GPHN: variants seen among roughly 807,000 people sequenced by gnomAD.
The protein encoded by GPHN is gephyrin.
GPHN carries 17 observed loss-of-function variants against 95.5 expected under a neutral mutation model. That is an observed-to-expected ratio of 0.18 (90% CI 0.12 to 0.27). The LOEUF is 0.27. Among genes scored for constraint, GPHN ranks in the 10% least tolerant of loss-of-function variants. The probability of loss-of-function intolerance (pLI) is 1.00; values close to 1 mark genes in which losing one functional copy is unlikely to be tolerated. For synonymous variants in GPHN, 320 were observed against 322.5 expected (o/e 0.99, Z 0.08); for missense variants, 660 against 978.1 (o/e 0.67, Z 4.34).
At chr14:67,663,177 A>T in the GPHN span, 4 of 1,531,444 alleles carry the variant, frequency 2.6e-6, no homozygotes, top group Non-Finnish European at 3.5e-6. Flanking sequence ...ATACCTAAAA[A>T]TTACTAATCT....
At chr14:66,601,207 T>C (rs1467875274) in intron 1 of GPHN, among the ~76,000 whole-genome samples, 1 of 151,968 alleles carries the variant, frequency 6.6e-6, no homozygotes, top group Non-Finnish European at 1.5e-5. Flanking sequence ...GCGTTAAAGG[T>C]GTTTTGCTCA....
chr14:67,359,704 C>G, the GPHN span: 6 of 1,614,152 alleles, frequency 3.7e-6, no homozygotes, highest in South Asian at 6.6e-5. Flanking sequence ...GACATTCTGA[C>G]GATAACTTTT....
chr14:67,326,460 TTC>T, the GPHN span, among the ~76,000 whole-genome samples: 12 of 152,036 alleles, frequency 7.9e-5, no homozygotes, highest in African/African-American at 2.7e-4. Context: ...AATTAGAACT[TTC>T]TGATTCTTTT....
At chr14:66,606,170 T>A (rs1025528727) in intron 1 of GPHN, among the ~76,000 whole-genome samples, 2 of 152,192 alleles carry the variant, frequency 1.3e-5, no homozygotes, top group African/African-American at 4.8e-5. Context: ...AATTTTTGTA[T>A]GCGGTGAAAG....
intron 6 of GPHN, among the ~76,000 whole-genome samples, chr14:66,918,058 G>T (rs1038064849): frequency 7.2e-5 from 11 of 152,150 alleles, no homozygotes; most frequent in African/African-American, 2.7e-4. Context: ...TGACCTTCAG[G>T]TTTAATAATT....
chr14:67,359,108 G>A, the GPHN span, among the ~76,000 whole-genome samples: 65 of 152,326 alleles, frequency 4.3e-4, no homozygotes, highest in African/African-American at 1.5e-3. Flanking sequence ...CTCACAGCAG[G>A]TGACATTTGG....
the GPHN span, among the ~76,000 whole-genome samples, chr14:67,419,927 C>A: frequency 6.6e-6 from 1 of 151,864 alleles, no homozygotes; most frequent in Admixed American, 6.6e-5. Context: ...GTGCTTTTTT[C>A]TATTCCATGG....
At chr14:66,809,372 A>G (rs2060671795) in intron 3 of GPHN, among the ~76,000 whole-genome samples, 2 of 152,096 alleles carry the variant, frequency 1.3e-5, no homozygotes, top group Admixed American at 6.5e-5. Context: ...AATAATAATA[A>G]TAATAATAAA....
the GPHN span, chr14:67,332,970 T>C: frequency 6.3e-7 from 1 of 1,593,624 alleles, no homozygotes; most frequent in Non-Finnish European, 8.6e-7. Flanking sequence ...AAACATCCAT[T>C]CTGTGGCATG....
At chr14:66,565,134 T>A (rs1269461596) in intron 1 of GPHN, among the ~76,000 whole-genome samples, 2 of 152,118 alleles carry the variant, frequency 1.3e-5, no homozygotes, top group Non-Finnish European at 2.9e-5. Context: ...TCTCACCTAG[T>A]TTCAATGAGA....
the GPHN span, chr14:67,343,423 A>G: frequency 6.2e-7 from 1 of 1,607,860 alleles, no homozygotes; most frequent in Non-Finnish European, 8.5e-7. Context: ...GCTTCATCCA[A>G]AGTAACAAAA....
chr14:66,993,281 A>G (rs1014188885), intron 9 of GPHN, among the ~76,000 whole-genome samples: 2 of 151,938 alleles, frequency 1.3e-5, no homozygotes, highest in Non-Finnish European at 1.5e-5. Context: ...CATACACACA[A>G]AGTCTTCAAA....
the GPHN span, among the ~76,000 whole-genome samples, chr14:67,317,145 A>T: frequency 1.3e-5 from 2 of 152,232 alleles, no homozygotes; most frequent in Admixed American, 1.3e-4. Flanking sequence ...TTATACAAAC[A>T]GTGTAATAAG....
chr14:67,021,903 T>C (rs2073649310), intron 9 of GPHN, among the ~76,000 whole-genome samples: 1 of 152,116 alleles, frequency 6.6e-6, no homozygotes, highest in African/African-American at 2.4e-5. Context: ...CTACATCTTG[T>C]TGAATGAAGA....
chr14:67,023,739 T>G, intron 10 of GPHN, 64 bp downstream of exon 10: 1 of 1,341,180 alleles, frequency 7.5e-7, no homozygotes. Context: ...AAATGATATT[T>G]TGGTGAAAAA....
the GPHN span, among the ~76,000 whole-genome samples, chr14:67,534,812 G>C: frequency 1.3e-5 from 2 of 152,006 alleles, no homozygotes; most frequent in South Asian, 4.1e-4. Flanking sequence ...CCAAAGAAAT[G>C]TCTGGCAATT....
At chr14:67,409,006 G>C in the GPHN span, among the ~76,000 whole-genome samples, 1 of 151,084 alleles carries the variant, frequency 6.6e-6, no homozygotes, top group Non-Finnish European at 1.5e-5. Flanking sequence ...CTTGAGCCCA[G>C]GAGTTCAAGA....
the GPHN span, among the ~76,000 whole-genome samples, chr14:67,500,204 G>A: frequency 4.0e-4 from 61 of 152,044 alleles, no homozygotes; most frequent in African/African-American, 1.3e-3. Flanking sequence ...GGCCATATGC[G>A]GTGGCTTATA....
At chr14:67,152,004 C>G (rs1382409753) in intron 18 of GPHN, among the ~76,000 whole-genome samples, 1 of 152,114 alleles carries the variant, frequency 6.6e-6, no homozygotes, top group African/African-American at 2.4e-5. Context: ...TTAACTGGCT[C>G]TGTCCAATGA....
Sources: allele counts gnomAD v4.1 joint callset (sites outside exome capture counted in the v4.1 genomes callset), GRCh38; gene constraint gnomAD v4.1.1; transcripts MANE v1.5; gene names NCBI Gene and HGNC (gene_info 2026-07-23, HGNC 2026-07-21).